The following RUNX1T1 variants were observed in gnomAD, a reference collection of about 807,000 sequenced individuals.
RUNX1T1 encodes protein CBFA2T1.
Under a neutral mutation model 62.8 loss-of-function variants are expected in RUNX1T1, and 4 were observed. The observed-to-expected ratio is 0.06, with a 90% CI of 0.03 to 0.15. The LOEUF is 0.15. Among genes scored for constraint, RUNX1T1 ranks in the 10% least tolerant of loss-of-function variants. RUNX1T1 has a pLI of 1.00. For synonymous variants in RUNX1T1, 291 were observed against 286.0 expected (o/e 1.02, Z -0.18); for missense variants, 508 against 754.3 (o/e 0.67, Z 3.82).
At chr8:92,026,645 C>A (rs951459465) in intron 1 of RUNX1T1, among the ~76,000 whole-genome samples, 1 of 151,110 alleles carries the variant, frequency 6.6e-6, no homozygotes, top group Non-Finnish European at 1.5e-5. Context: ...CACAGTGAAA[C>A]CCCGTCTCTA....
chr8:92,070,886 C>T (rs1278680524), intron 2 of RUNX1T1, among the ~76,000 whole-genome samples: 1 of 152,214 alleles, frequency 6.6e-6, no homozygotes, highest in African/African-American at 2.4e-5. Context: ...CATGTAGTCA[C>T]ACTTTCCCCT....
chr8:92,011,150 A>G, intron 3 of RUNX1T1, 59 bp from the exon 5 acceptor site: 1 of 922,708 alleles, frequency 1.1e-6, no homozygotes, highest in Non-Finnish European at 1.8e-6. Flanking sequence ...GTAAAAACAC[A>G]AACAAATTAA....
At chr8:91,997,444 G>T (rs925060633) in intron 5 of RUNX1T1, among the ~76,000 whole-genome samples, 1 of 151,976 alleles carries the variant, frequency 6.6e-6, no homozygotes, top group Non-Finnish European at 1.5e-5. Context: ...TAAGAAAGAA[G>T]AAACTTAATT....
At chr8:91,995,233 G>C (rs1818437784) in intron 5 of RUNX1T1, among the ~76,000 whole-genome samples, 1 of 152,172 alleles carries the variant, frequency 6.6e-6, no homozygotes, top group Non-Finnish European at 1.5e-5. Flanking sequence ...TAAATGGTTA[G>C]ATACACAATT....
chr8:92,075,220 A>G (rs1437406003), intron 2 of RUNX1T1, among the ~76,000 whole-genome samples: 1 of 152,216 alleles, frequency 6.6e-6, no homozygotes, highest in Non-Finnish European at 1.5e-5. Context: ...TTGACTCTCA[A>G]CTTTTTCTTA....
intron 5 of RUNX1T1, among the ~76,000 whole-genome samples, chr8:91,993,820 C>T (rs1818159909): frequency 6.6e-6 from 1 of 151,992 alleles, no homozygotes; most frequent in Non-Finnish European, 1.5e-5. Context: ...TGTGAAACCT[C>T]GCCTCTACTA....
At chr8:92,084,546 C>T (rs543242509) in intron 1 of RUNX1T1, among the ~76,000 whole-genome samples, 11 of 152,182 alleles carry the variant, frequency 7.2e-5, no homozygotes, top group African/African-American at 2.7e-4. Flanking sequence ...CATGAGCTCT[C>T]AATAATTATT....
chr8:92,048,014 C>T (rs1829677444), intron 1 of RUNX1T1, among the ~76,000 whole-genome samples: 1 of 152,178 alleles, frequency 6.6e-6, no homozygotes, highest in Non-Finnish European at 1.5e-5. Context: ...CTCCATTGCA[C>T]TGCTTATCAA....
At chr8:91,993,905 T>C (rs886340106) in intron 5 of RUNX1T1, among the ~76,000 whole-genome samples, 1 of 151,982 alleles carries the variant, frequency 6.6e-6, no homozygotes, top group Non-Finnish European at 1.5e-5. Context: ...GGCAGGAGAA[T>C]CACTTGAACC....
chr8:92,048,925 G>A lies in RUNX1T1; in HGVS notation c.7+13621C>T, dbSNP rs78385233. On this transcript the variant is annotated intron_variant, in intron 1 of 10. Transcript: ENST00000396218. ...GCAGTGTAGTTTGCAATATTATAGC[G>A]CCTAAGCCAAACAAATTAAAATGAG... 7.9e-3 allele frequency among the ~76,000 whole-genome samples: 1,209 copies of A among 152,180 alleles called. 9 individuals carry two copies. The highest frequency in any genetic ancestry group is 0.026 in the African/African-American group (1,092 of 41,508).
At chr8:92,036,249 G>A (rs1265502844) in intron 1 of RUNX1T1, among the ~76,000 whole-genome samples, 1 of 152,066 alleles carries the variant, frequency 6.6e-6, no homozygotes, top group African/African-American at 2.4e-5. Context: ...GATCTATAAG[G>A]TTGTTTTCAG....
intron 4 of RUNX1T1, among the ~76,000 whole-genome samples, chr8:92,009,254 T>C (rs964519098): frequency 1.4e-4 from 21 of 152,220 alleles, no homozygotes; most frequent in African/African-American, 4.3e-4. Flanking sequence ...CCAGTAAATG[T>C]TTCTCCATAA....
intron 1 of RUNX1T1, among the ~76,000 whole-genome samples, chr8:92,046,084 A>G (rs964353811): frequency 1.3e-5 from 2 of 152,136 alleles, no homozygotes; most frequent in Non-Finnish European, 2.9e-5. Context: ...GAACACAGAT[A>G]TTTCACCCCT....
chr8:92,056,317 T>C (rs1419868301), intron 1 of RUNX1T1, among the ~76,000 whole-genome samples: 1 of 152,200 alleles, frequency 6.6e-6, no homozygotes, highest in Admixed American at 6.5e-5. Context: ...AAACACATGA[T>C]AAAGACACCC....
chr8:92,094,446 G>A (rs1837488904), intron 1 of RUNX1T1, among the ~76,000 whole-genome samples: 1 of 151,894 alleles, frequency 6.6e-6, no homozygotes. Flanking sequence ...AGATTTCATG[G>A]TTCAAATCCA....
At chr8:92,095,524 A>G in intron 1 of RUNX1T1, 1 of 1,500,794 alleles carries the variant, frequency 6.7e-7, no homozygotes, top group Non-Finnish European at 8.9e-7. Flanking sequence ...AACGTGCATC[A>G]GGGTGATTAC....
chr8:92,077,606 G>T (rs1306616193), intron 1 of RUNX1T1, among the ~76,000 whole-genome samples: 1 of 151,922 alleles, frequency 6.6e-6, no homozygotes, highest in Non-Finnish European at 1.5e-5. Flanking sequence ...AACAAATATT[G>T]GGAAAAAAGA....
At chr8:92,057,434 C>T (rs1408141238) in intron 1 of RUNX1T1, among the ~76,000 whole-genome samples, 1 of 152,188 alleles carries the variant, frequency 6.6e-6, no homozygotes, top group African/African-American at 2.4e-5. Context: ...TCAAATAGAT[C>T]ACATGGTAAC....
chr8:91,979,832 T>C (rs1370979737), intron 8 of RUNX1T1: 1 of 530,616 alleles, frequency 1.9e-6, no homozygotes, highest in Non-Finnish European at 3.6e-6. Flanking sequence ...TCAATATACA[T>C]GAAGGGATGA....
Sources: allele counts gnomAD v4.1 joint callset (sites outside exome capture counted in the v4.1 genomes callset), GRCh38; gene constraint gnomAD v4.1.1; transcripts MANE v1.5; gene names NCBI Gene and HGNC (gene_info 2026-07-23, HGNC 2026-07-21).